Variants in ZNF697 observed in about 807,000 individuals in gnomAD.
ZNF697 encodes the protein zinc finger protein 697.
A neutral mutation model predicts 32.4 loss-of-function variants in ZNF697; 23 were observed. That is an observed-to-expected ratio of 0.71 (90% CI 0.51 to 1.01). The LOEUF is 1.01. Among genes scored for constraint, ZNF697 ranks in the 50% least tolerant of loss-of-function variants. The pLI is 0.00. For synonymous variants in ZNF697, 418 were observed against 337.2 expected (o/e 1.24, Z -2.62); for missense variants, 930 against 794.0 (o/e 1.17, Z -2.06).
rs587669815 is a variant in ZNF697 at position 119,632,325 on chromosome 1, C to G, written c.-37-6188G>C. Among the ~76,000 whole-genome samples the G allele has an allele frequency of 2.0e-5, 3 of 152,288 alleles. No homozygotes were observed. The East Asian group carries it at 5.8e-4, about 29-fold the overall frequency. On this transcript the variant is annotated intron_variant, in intron 1 of 2. Transcript: ENST00000421812. ...CTGCCCAACCCAAAATGCCAGCCAC[C>G]CAAGTGGCAGACTGCTGCGTGAGGG...
intron 2 of ZNF697, among the ~76,000 whole-genome samples, chr1:119,624,881 C>T (rs965475912): frequency 6.6e-6 from 1 of 150,496 alleles, no homozygotes; most frequent in South Asian, 2.1e-4. Context: ...TGAGCCACTG[C>T]GCCCAGCCCT....
chr1:119,626,272 A>G, intron 1 of ZNF697, 135 bp from the exon 2 acceptor site: 2 of 1,204,340 alleles, frequency 1.7e-6, no homozygotes, highest in Non-Finnish European at 2.3e-6. Context: ...TTCACTCCAC[A>G]TTTTAAAGTA....
intron 1 of ZNF697, among the ~76,000 whole-genome samples, chr1:119,646,096 C>G (rs1309780102): frequency 1.3e-5 from 2 of 152,182 alleles, no homozygotes; most frequent in Non-Finnish European, 2.9e-5. Flanking sequence ...CTATTTACCA[C>G]TTCAATCCAG....
Position 119,622,957 on chromosome 1 carries a change from C to T in ZNF697, c.1386G>A (p.Glu462=), listed in dbSNP as rs778932115. The change falls in exon 3 of 3, where the codon GAG becomes GAA. Residue 462 remains glutamate (E), a synonymous_variant. Transcript: ENST00000421812. ...LVNHLRVHTG[E]KPFRCGQCEK... ...CGCACTGGCCACAGCGGAAGGGCTTCTCGCCGGTGTGCACGCGCAGGTGGT... is the reference window on the plus strand; with the variant it reads ...CGCACTGGCCACAGCGGAAGGGCTTTTCGCCGGTGTGCACGCGCAGGTGGT... The T allele has an allele frequency of 6.9e-6, 11 of 1,603,484 alleles. No homozygotes were observed. In the African/African-American group the frequency reaches 9.4e-5, roughly 14 times the overall value.
intron 1 of ZNF697, among the ~76,000 whole-genome samples, chr1:119,643,325 C>G (rs1273631706): frequency 6.6e-6 from 1 of 152,144 alleles, no homozygotes; most frequent in African/African-American, 2.4e-5. Flanking sequence ...ATTCAGTGAT[C>G]CCAAGAACTC....
chr1:119,643,368 C>G (rs1649127290), intron 1 of ZNF697, among the ~76,000 whole-genome samples: 1 of 152,158 alleles, frequency 6.6e-6, no homozygotes, highest in Non-Finnish European at 1.5e-5. Context: ...TAATGTGCTT[C>G]TAACAACCCA....
At chr1:119,646,955 A>C (rs587635491) in intron 1 of ZNF697, among the ~76,000 whole-genome samples, 1 of 152,184 alleles carries the variant, frequency 6.6e-6, no homozygotes, top group Admixed American at 6.5e-5. Context: ...GGGGATGCGG[A>C]GTATTGGTGT....
At position 119,621,449 on chromosome 1, in the gene ZNF697, C is replaced by A. The variant is rs1480253912; in HGVS notation, c.*1256G>T. ...AAATATCAAAGTGCTATTTTGGCAT[C>A]TATATAACAACCAGAAAACATTCAT... On this transcript the variant is annotated 3_prime_UTR_variant, in exon 3 of 3. Transcript: ENST00000421812. 1 of 152,640 alleles carries A rather than the reference C, an allele frequency of 6.6e-6. No individual in the cohort carries two copies. The highest frequency in any genetic ancestry group is 2.4e-5 in the African/African-American group (1 of 41,442). 9.5% of individuals were successfully genotyped at this position (152,640 alleles called of 1,614,324 possible).
At chr1:119,628,347 A>G (rs1014545852) in intron 1 of ZNF697, among the ~76,000 whole-genome samples, 2 of 152,194 alleles carry the variant, frequency 1.3e-5, no homozygotes, top group Non-Finnish European at 2.9e-5. Context: ...CATAGCAATA[A>G]TGGAACAACA....
In ZNF697 at chr1:119,631,107, A is replaced by G. The variant is rs149966124; in HGVS notation, c.-37-4970T>C. ...AGGAGTGTACACAACTCCCCCACCA[A>G]CCTGGATTTTACATAGAAACCAAGG... is the stretch of plus-strand genomic sequence containing the variant. On this transcript the variant is annotated intron_variant, in intron 1 of 2. Coordinates refer to ENST00000421812, the MANE Select transcript of ZNF697 (RefSeq NM_001080470.2). Among the ~76,000 whole-genome samples the G allele has an allele frequency of 2.8e-4, 43 of 152,316 alleles. 1 individual carries two copies. Among genetic ancestry groups the G allele is most frequent in the African/African-American group, 9.6e-4 (40 of 41,568 alleles).
intron 1 of ZNF697, among the ~76,000 whole-genome samples, chr1:119,637,901 A>G (rs922517664): frequency 1.3e-5 from 2 of 151,748 alleles, no homozygotes; most frequent in Non-Finnish European, 2.9e-5. Flanking sequence ...AGTCCTTTGT[A>G]TACTATTTGA....
At position 119,621,623 on chromosome 1, in the gene ZNF697, G is replaced by C. The variant is rs1242507954; in HGVS notation, c.*1082C>G. 6.6e-6 allele frequency: 1 copy of C among 152,514 alleles called. No homozygotes were observed. Among genetic ancestry groups the C allele is most frequent in the Non-Finnish European group, 1.5e-5 (1 of 68,042 alleles). The allele number at this position is 152,514 out of a possible 1,614,324, so 9.4% of individuals were successfully genotyped here. On this transcript the variant is annotated 3_prime_UTR_variant, in exon 3 of 3. Transcript: ENST00000421812. Reference sequence around the variant, plus strand: ...CCCTCGTCAATATGCATGGAAGTGGGGGTTAGTGGAGGTCACTAACAAATG... The same window carrying C: ...CCCTCGTCAATATGCATGGAAGTGGCGGTTAGTGGAGGTCACTAACAAATG...
intron 1 of ZNF697, among the ~76,000 whole-genome samples, chr1:119,644,461 A>G (rs924122727): frequency 2.6e-5 from 4 of 152,236 alleles, no homozygotes; most frequent in Non-Finnish European, 5.9e-5. Flanking sequence ...GGAGGACTTC[A>G]GGAGAAGAAG....
At chr1:119,644,709 A>T (rs1013042606) in intron 1 of ZNF697, among the ~76,000 whole-genome samples, 2 of 152,238 alleles carry the variant, frequency 1.3e-5, no homozygotes, top group African/African-American at 4.8e-5. Flanking sequence ...TAGCTGATAT[A>T]CAGATGTTCA....
At chr1:119,627,431 G>A (rs1404211228) in intron 1 of ZNF697, among the ~76,000 whole-genome samples, 1 of 152,190 alleles carries the variant, frequency 6.6e-6, no homozygotes, top group Non-Finnish European at 1.5e-5. Context: ...GTGGAAGAAG[G>A]GTAAGGCTAC....
chr1:119,631,121 T>A (rs1648752210), intron 1 of ZNF697, among the ~76,000 whole-genome samples: 1 of 152,174 alleles, frequency 6.6e-6, no homozygotes, highest in Admixed American at 6.5e-5. Context: ...GGATTTTACA[T>A]AGAAACCAAG....
chr1:119,633,048 A>G (rs1299477827), intron 1 of ZNF697, among the ~76,000 whole-genome samples: 1 of 152,220 alleles, frequency 6.6e-6, no homozygotes, highest in African/African-American at 2.4e-5. Context: ...ACACTTTCTC[A>G]GCAGCTGGCT....
chr1:119,645,874 T>A (rs1210440757), intron 1 of ZNF697, among the ~76,000 whole-genome samples: 1 of 152,164 alleles, frequency 6.6e-6, no homozygotes, highest in Non-Finnish European at 1.5e-5. Flanking sequence ...ACTGTAGCTA[T>A]TTTTTTCTTT....
intron 1 of ZNF697, among the ~76,000 whole-genome samples, chr1:119,628,576 G>C (rs891598191): frequency 6.6e-6 from 1 of 152,194 alleles, no homozygotes; most frequent in Non-Finnish European, 1.5e-5. Flanking sequence ...TAGACTAGGG[G>C]AGGGAGGATT....
Sources: gnomAD v4.1 joint callset for allele counts (sites outside exome capture counted in the v4.1 genomes callset) on GRCh38, gnomAD v4.1.1 for gene constraint, MANE v1.5 for transcripts, NCBI Gene and HGNC (gene_info 2026-07-23, HGNC 2026-07-21) for gene names.